SNX2: variants seen among roughly 807,000 people sequenced by gnomAD.
SNX2 encodes sorting nexin 2.
A neutral mutation model predicts 69.9 loss-of-function variants in SNX2; 25 were observed. The ratio of observed to expected loss-of-function variants is 0.36; its 90% CI spans 0.26 to 0.50. The LOEUF (loss-of-function observed/expected upper bound fraction) is 0.50. SNX2 is among the 20% of genes least tolerant of loss of function. The probability of loss-of-function intolerance (pLI) is 0.97; values close to 1 mark genes in which losing one functional copy is unlikely to be tolerated. For missense variants in SNX2, 551 were observed against 613.3 expected (o/e 0.90, Z 1.07); for synonymous variants, 229 against 200.4 (o/e 1.14, Z -1.20).
At chr5:122,780,139 G>T (rs1243167932) in intron 1 of SNX2, among the ~76,000 whole-genome samples, 1 of 152,190 alleles carries the variant, frequency 6.6e-6, no homozygotes, top group African/African-American at 2.4e-5. Flanking sequence ...AGGCAGCTAG[G>T]ACTGCTGGAT....
intron 14 of SNX2, 135 bp downstream of exon 14, chr5:122,827,781 A>G (rs1187479462): frequency 1.5e-6 from 1 of 659,024 alleles, no homozygotes. Flanking sequence ...CAGTGATGGT[A>G]AAGGATAAAA....
chr5:122,779,766 A>G (rs1000994752), intron 1 of SNX2, among the ~76,000 whole-genome samples: 4 of 152,194 alleles, frequency 2.6e-5, no homozygotes, highest in Admixed American at 6.5e-5. Context: ...TCTGGGGTAC[A>G]TGTGGAGGAT....
At position 122,806,142 on chromosome 5, in the gene SNX2, G is replaced by GCGCACGCGCGCACACACA; in HGVS notation, c.644-2134_644-2133insGCACGCGCGCACACACAC. Among the ~76,000 whole-genome samples, 38 of 130,648 alleles carry GCGCACGCGCGCACACACA rather than the reference G, an allele frequency of 2.9e-4. 1 individual carries two copies. Among genetic ancestry groups the GCGCACGCGCGCACACACA allele is most frequent in the Admixed American group, 8.4e-4 (11 of 13,122 alleles). 85.7% of individuals were successfully genotyped at this position (130,648 alleles called of 152,430 possible). On this transcript the variant is annotated intron_variant, in intron 6 of 14. Transcript: ENST00000379516. ...TGTGTATATATATACACACGCGCGC[G>GCGCACGCGCGCACACACA]CACACACACACACACACACACACAC... is the stretch of plus-strand genomic sequence containing the variant.
intron 8 of SNX2, 103 bp from the exon 9 acceptor site, chr5:122,816,812 G>A (rs560069428): frequency 7.6e-6 from 4 of 527,100 alleles, no homozygotes; most frequent in Non-Finnish European, 1.4e-5. Context: ...TTTAAAATTT[G>A]TATGTGGGGG....
intron 8 of SNX2, 151 bp from the exon 9 acceptor site, chr5:122,816,764 A>G (rs2150014407): frequency 2.3e-6 from 1 of 442,096 alleles, no homozygotes; most frequent in South Asian, 2.8e-5. Context: ...AGATCTCACT[A>G]TTGAAATGTA....
At chr5:122,805,415 A>G (rs549459570) in intron 6 of SNX2, among the ~76,000 whole-genome samples, 1 of 152,016 alleles carries the variant, frequency 6.6e-6, no homozygotes, top group African/African-American at 2.4e-5. Context: ...TGGAGCCACC[A>G]TGCTCAGCCA....
At chr5:122,801,652 CGTGTGTGTGTGTGT>C (rs61189602) in intron 3 of SNX2, among the ~76,000 whole-genome samples, 13 of 132,120 alleles carry the variant, frequency 9.8e-5, no homozygotes, top group East Asian at 2.2e-4. Context: ...TGGTCTTTTT[CGTGTGTGTGTGTGT>C]GTGTGTGTGT....
intron 7 of SNX2, among the ~76,000 whole-genome samples, chr5:122,810,262 T>A (rs889578346): frequency 3.3e-5 from 5 of 150,800 alleles, no homozygotes; most frequent in Non-Finnish European, 5.9e-5. Context: ...ACACAAACAC[T>A]GCGGAAGGCC....
In SNX2 at chr5:122,817,391, CTTACGTAGTTA is replaced by C. The variant is rs764888674; in HGVS notation, c.1006+19_1006+29del. ...TAGAAAAGGTTTGTTTGCCTTACTA[CTTACGTAGTTA>C]GCACCATAAAACTAATGAAAATATT... On this transcript the variant is annotated intron_variant, in intron 10 of 14. Transcript: ENST00000379516. 7.2e-6 allele frequency: 11 copies of C among 1,534,752 alleles called. No homozygotes were observed. The highest frequency in any genetic ancestry group is 9.9e-6 in the Non-Finnish European group (11 of 1,110,026).
intron 12 of SNX2, chr5:122,826,757 T>C (rs937831326): frequency 2.7e-6 from 1 of 371,894 alleles, no homozygotes; most frequent in Non-Finnish European, 3.7e-6. Context: ...TGCTTAAATC[T>C]TCAGTTATTT....
intron 11 of SNX2, among the ~76,000 whole-genome samples, chr5:122,822,164 G>T (rs954758115): frequency 7.2e-5 from 11 of 152,060 alleles, no homozygotes; most frequent in Admixed American, 6.6e-4. Flanking sequence ...TGCAATCTTG[G>T]CTCACTACAA....
intron 1 of SNX2, among the ~76,000 whole-genome samples, chr5:122,786,328 G>A (rs1753085949): frequency 1.3e-5 from 2 of 151,852 alleles, no homozygotes; most frequent in Admixed American, 1.3e-4. Flanking sequence ...GGTATATTTA[G>A]GCTATTTATT....
At position 122,829,816 on chromosome 5, in the gene SNX2, A is replaced by T; in HGVS notation, c.*168A>T. The T allele has an allele frequency of 3.3e-6, 2 of 601,260 alleles. No individual in the cohort carries two copies. Among genetic ancestry groups the T allele is most frequent in the African/African-American group, 1.9e-5 (1 of 53,298 alleles). The allele number at this position is 601,260 out of a possible 1,614,324, so 37.2% of individuals were successfully genotyped here. The stretch of plus-strand genomic sequence containing the variant: ...CACACACACACACACACACACTCTG[A>T]CATTTTATTACAAGCTGCATGTCCT... On this transcript the variant is annotated 3_prime_UTR_variant, in exon 15 of 15. Transcript: ENST00000379516.
chr5:122,796,820 T>C (rs1033391424), intron 2 of SNX2, among the ~76,000 whole-genome samples: 1 of 152,210 alleles, frequency 6.6e-6, no homozygotes, highest in African/African-American at 2.4e-5. Context: ...CTGTGTGTGT[T>C]TGTGTACATG....
chr5:122,799,573 C>A, intron 2 of SNX2, 119 bp from the exon 3 acceptor site: 1 of 577,164 alleles, frequency 1.7e-6, no homozygotes, highest in Non-Finnish European at 2.9e-6. Context: ...TTTTAAATGA[C>A]ATTATTTTTA....
At chr5:122,818,330 A>T (rs1295912426) in intron 10 of SNX2, among the ~76,000 whole-genome samples, 1 of 152,196 alleles carries the variant, frequency 6.6e-6, no homozygotes, top group Non-Finnish European at 1.5e-5. Flanking sequence ...AACTAACAGT[A>T]AAATTTATGT....
chr5:122,802,225 G>T, intron 5 of SNX2, 101 bp downstream of exon 5: 1 of 1,013,504 alleles, frequency 9.9e-7, no homozygotes, highest in Non-Finnish European at 1.5e-6. Context: ...TCTTTATAAA[G>T]GTTACCACCT....
At chr5:122,794,377 G>A (rs1198239037) in intron 1 of SNX2, among the ~76,000 whole-genome samples, 12 of 152,154 alleles carry the variant, frequency 7.9e-5, no homozygotes. Context: ...AATGTCTTGA[G>A]AGGTCACATT....
intron 7 of SNX2, 55 bp from the exon 8 acceptor site, chr5:122,815,841 T>TCAA: frequency 2.2e-6 from 2 of 919,394 alleles, no homozygotes; most frequent in Admixed American, 4.8e-5. Context: ...ATCATTTTGT[T>TCAA]GAACTGTAAT....
Sources: allele counts gnomAD v4.1 joint callset (sites outside exome capture counted in the v4.1 genomes callset), GRCh38; gene constraint gnomAD v4.1.1; transcripts MANE v1.5; gene names NCBI Gene and HGNC (gene_info 2026-07-23, HGNC 2026-07-21).